Variants in KCNIP2 observed in about 807,000 individuals in gnomAD.
KCNIP2 encodes A-type potassium channel modulatory protein KCNIP2.
KCNIP2 carries 19 observed loss-of-function variants against 39.0 expected under a neutral mutation model. That is an observed-to-expected ratio of 0.49 (90% confidence interval 0.34 to 0.71). The LOEUF is 0.71. KCNIP2 is among the 30% of genes least tolerant of loss of function. KCNIP2 has a pLI of 0.01. For missense variants in KCNIP2, 261 were observed against 346.0 expected, an observed-to-expected ratio of 0.75 and a Z score of 1.95; for synonymous variants, 111 against 131.2, an observed-to-expected ratio of 0.85 and a Z score of 1.05.
chr10:101,829,294 C>A, intron 3 of KCNIP2, 95 bp from the exon 4 acceptor site: 1 of 1,425,662 alleles, frequency 7.0e-7, no homozygotes, highest in Non-Finnish European at 9.3e-7. Flanking sequence ...GCCCCCCGGT[C>A]CCATCCGATG....
Position 101,831,027 on chromosome 10 carries a change from G to A in KCNIP2, c.169+45C>T, listed in dbSNP as rs373065738. 2,093 of 1,497,850 alleles carry A rather than the reference G, an allele frequency of 1.4e-3. 4 individuals carry two copies. Among genetic ancestry groups the A allele is most frequent in the Middle Eastern group, 3.1e-3 (16 of 5,114 alleles). 92.8% of individuals were successfully genotyped at this position (1,497,850 alleles called of 1,614,324 possible). ...CACACACTCATGCACAGACACGCAC[G>A]CACACATCGAGCCCCGCCCCCGGAA... On this transcript the variant is annotated intron_variant, in intron 2 of 9. Coordinates refer to ENST00000356640, the MANE Select transcript of KCNIP2 (RefSeq NM_173191.3).
chr10:101,836,528 G>C (rs976527661), intron 1 of KCNIP2, among the ~76,000 whole-genome samples: 2 of 152,092 alleles, frequency 1.3e-5, no homozygotes, highest in Non-Finnish European at 2.9e-5. Flanking sequence ...GTGCCACCGC[G>C]TCTGGCCTCA....
intron 1 of KCNIP2, among the ~76,000 whole-genome samples, chr10:101,842,332 G>T: frequency 6.6e-6 from 1 of 152,226 alleles, no homozygotes; most frequent in South Asian, 2.1e-4. Context: ...ATGCACAGAT[G>T]TACTGGCCTC....
rs1308695122 is a variant in KCNIP2, at chr10:101,827,341, C to T, written c.*12G>A. 6.3e-7 allele frequency: 1 copy of T among 1,597,480 alleles called. No homozygotes were observed. Among genetic ancestry groups the T allele is most frequent in the Admixed American group, 1.7e-5 (1 of 59,062 alleles). On this transcript the variant is annotated 3_prime_UTR_variant, in exon 10 of 10. Transcript: ENST00000356640. ...GGTCCCCCCAGGAAACACTGACCCC[C>T]TCTCCTGGGGGCTAGATGACATTGT...
chr10:101,836,274 C>CTTTTT (rs976487755), intron 1 of KCNIP2, among the ~76,000 whole-genome samples: 2 of 124,660 alleles, frequency 1.6e-5, no homozygotes, highest in East Asian at 2.2e-4. Flanking sequence ...TTTTTTTTCT[C>CTTTTT]TTTTTTTTTT....
At chr10:101,837,181 T>A (rs1164923515) in intron 1 of KCNIP2, among the ~76,000 whole-genome samples, 2 of 152,204 alleles carry the variant, frequency 1.3e-5, no homozygotes, top group Non-Finnish European at 2.9e-5. Context: ...ACATGTAGTA[T>A]CTCACTTAGT....
rs1436123499 is a variant in KCNIP2, at chr10:101,827,023, G to T, written c.*330C>A. 1 of 254,740 alleles carries T rather than the reference G, an allele frequency of 3.9e-6. No homozygotes were observed. Among genetic ancestry groups the T allele is most frequent in the Non-Finnish European group, 7.4e-6 (1 of 134,828 alleles). 15.8% of individuals were successfully genotyped at this position (254,740 alleles called of 1,614,324 possible). A position where few individuals can be genotyped will look rare whatever the true frequency, so the allele number is the denominator to read the frequency against. On this transcript the variant is annotated 3_prime_UTR_variant, in exon 10 of 10. Coordinates refer to ENST00000356640, the MANE Select transcript of KCNIP2 (RefSeq NM_173191.3). ...AGGGATGGGGGAAGCACCATAGCAG[G>T]AGACATCTGTCTAGTGTGTTTCTAG...
chr10:101,829,249 C>T (rs1386478250), intron 3 of KCNIP2, 50 bp from the exon 4 acceptor site: 1 of 1,562,140 alleles, frequency 6.4e-7, no homozygotes, highest in Admixed American at 1.8e-5. Flanking sequence ...CTCCGCGACC[C>T]CTCTTCAAAT....
chr10:101,828,070 G>A lies in KCNIP2; in HGVS notation c.598-77C>T. 6.5e-7 allele frequency: 1 copy of A among 1,539,938 alleles called. No homozygotes were observed. The highest frequency in any genetic ancestry group is 9.0e-7 in the Non-Finnish European group (1 of 1,112,608). ...TGATCCCTTGCTTGTGGGCATATGTGGGTCATATTTCCCTCCCATCACCCT... is the reference window on the plus strand; with the variant it reads ...TGATCCCTTGCTTGTGGGCATATGTAGGTCATATTTCCCTCCCATCACCCT... On this transcript the variant is annotated intron_variant, in intron 7 of 9. Transcript: ENST00000356640. The surrounding 1 kb of genome is among the most constrained non-coding windows in gnomAD (Gnocchi z 6.6).
chr10:101,829,974 G>C, intron 2 of KCNIP2, 77 bp from the exon 3 acceptor site: 1 of 1,505,354 alleles, frequency 6.6e-7, no homozygotes, highest in Non-Finnish European at 9.0e-7. Context: ...CTCACACTCA[G>C]AGCAAACCTC....
intron 1 of KCNIP2, among the ~76,000 whole-genome samples, chr10:101,839,155 A>G (rs2066246268): frequency 6.6e-6 from 1 of 152,192 alleles, no homozygotes; most frequent in African/African-American, 2.4e-5. Flanking sequence ...AGACTCAGCC[A>G]TACATAGCCC....
At chr10:101,835,804 TG>T (rs1231910437) in intron 1 of KCNIP2, among the ~76,000 whole-genome samples, 22 of 152,364 alleles carry the variant, frequency 1.4e-4, no homozygotes, top group African/African-American at 5.3e-4. Flanking sequence ...TAATGCACTA[TG>T]TGCTTACAGG....
At chr10:101,836,849 T>C (rs2066177144) in intron 1 of KCNIP2, among the ~76,000 whole-genome samples, 1 of 152,110 alleles carries the variant, frequency 6.6e-6, no homozygotes, top group Admixed American at 6.5e-5. Context: ...TAATCCCAGC[T>C]ACTTGGGAGG....
In KCNIP2 at chr10:101,841,085, G is replaced by A. The variant is rs188876973; in HGVS notation, c.73+2411C>T. On this transcript the variant is annotated intron_variant, in intron 1 of 9. Coordinates refer to ENST00000356640, the MANE Select transcript of KCNIP2 (RefSeq NM_173191.3). ...AGGGATTAGACAGGGGTCCGGGCGG[G>A]GCTCGGACTGTTTTTTGTTTTGTTT... Among the ~76,000 whole-genome samples the A allele has an allele frequency of 4.4e-3, 673 of 152,342 alleles. 12 individuals carry two copies. Among genetic ancestry groups the A allele is most frequent in the Non-Finnish European group, 3.3e-3 (222 of 68,042 alleles).
chr10:101,841,017 G>A (rs1421422556), intron 1 of KCNIP2, among the ~76,000 whole-genome samples: 1 of 152,216 alleles, frequency 6.6e-6, no homozygotes, highest in Non-Finnish European at 1.5e-5. Context: ...CTTTCCCCTC[G>A]GAACCGCACT....
At chr10:101,830,290 T>G in intron 2 of KCNIP2, 12 of 774,122 alleles carry the variant, frequency 1.6e-5, no homozygotes, top group East Asian at 1.4e-4. Context: ...AAAACCCAAA[T>G]ACCCTGGCGT....
intron 3 of KCNIP2, chr10:101,829,438 G>A: frequency 1.9e-6 from 1 of 526,394 alleles, no homozygotes; most frequent in Middle Eastern, 5.0e-4. Flanking sequence ...ATCCGACTCA[G>A]TGCTCGCCCC....
At position 101,827,120 on chromosome 10, in the gene KCNIP2, G is replaced by A. The variant is rs2065769092; in HGVS notation, c.*233C>T. The A allele has an allele frequency of 9.6e-7, 1 of 1,036,528 alleles. No individual in the cohort carries two copies. Among genetic ancestry groups the A allele is most frequent in the Non-Finnish European group, 1.3e-6 (1 of 797,782 alleles). 64.2% of individuals were successfully genotyped at this position (1,036,528 alleles called of 1,614,324 possible). On this transcript the variant is annotated 3_prime_UTR_variant, in exon 10 of 10. Coordinates refer to ENST00000356640, the MANE Select transcript of KCNIP2 (RefSeq NM_173191.3). Reference sequence around the variant, plus strand: ...ACTCTCAACACTGGGTGTCAGGCAGGAAGGGGGTGAGAGCTGGTGGGAGTT... The same window carrying A: ...ACTCTCAACACTGGGTGTCAGGCAGAAAGGGGGTGAGAGCTGGTGGGAGTT...
intron 2 of KCNIP2, chr10:101,830,447 TC>T: frequency 1.6e-6 from 2 of 1,289,464 alleles, no homozygotes; most frequent in Non-Finnish European, 2.0e-6. Context: ...ATACAGACCC[TC>T]ACGGCCGCCT....
Sources: gnomAD v4.1 joint callset for allele counts (sites outside exome capture counted in the v4.1 genomes callset) on GRCh38, gnomAD v4.1.1 for gene constraint, Gnocchi (gnomAD v3.1) non-coding constraint, MANE v1.5 for transcripts, NCBI Gene and HGNC (gene_info 2026-07-23, HGNC 2026-07-21) for gene names.